Variants in IGBP1 observed in about 807,000 individuals in gnomAD.
The protein encoded by IGBP1 is immunoglobulin-binding protein 1.
In IGBP1, 2 loss-of-function variants were observed where a neutral mutation model predicts 25.9. The ratio of observed to expected loss-of-function variants is 0.08; its 90% confidence interval spans 0.03 to 0.24. The LOEUF (loss-of-function observed/expected upper bound fraction) is 0.24, where lower values mean the gene tolerates loss of function less well. IGBP1 is among the 10% of genes least tolerant of loss of function. The pLI, the probability that IGBP1 is intolerant of heterozygous loss-of-function variation, is 1.00. For synonymous variants in IGBP1, 96 were observed against 93.4 expected (o/e 1.03, Z -0.16); for missense variants, 187 against 260.4 (o/e 0.72, Z 1.94).
intron 6 of IGBP1, among the ~76,000 whole-genome samples, chrX:70,161,794 G>C (rs1299079314): frequency 9.0e-6 from 1 of 111,237 alleles, no homozygotes; most frequent in Non-Finnish European, 1.9e-5. Context: ...AGGGCTCTCT[G>C]TACTAGAAAA....
chrX:70,155,245 C>G (rs980733869), intron 6 of IGBP1, among the ~76,000 whole-genome samples: 23 of 111,762 alleles, frequency 2.1e-4, no homozygotes, highest in African/African-American at 7.1e-4. Flanking sequence ...GCCTGTAATC[C>G]CAACACTTTG....
At chrX:70,159,243 C>T (rs902475899) in intron 6 of IGBP1, among the ~76,000 whole-genome samples, 3 of 109,939 alleles carry the variant, frequency 2.7e-5, no homozygotes, top group African/African-American at 6.6e-5. Context: ...AATTTTAAAA[C>T]GAAAAAAGAT....
chrX:70,134,909 G>A (rs1347050744), intron 3 of IGBP1, 93 bp downstream of exon 3: 2 of 870,485 alleles, frequency 2.3e-6, no homozygotes, highest in Non-Finnish European at 3.4e-6. Context: ...AGAATGGTAT[G>A]TGTCACTTTC....
Position 70,165,437 on chromosome X carries a change from C to T in IGBP1, c.872-396C>T, listed in dbSNP as rs2085292131. The stretch of plus-strand genomic sequence containing the variant: ...CCCACCCCCCTGGCAACTCACAAAT[C>T]ACAAATTCATAAATATTTTTTCTTT... On this transcript the variant is annotated intron_variant, in intron 6 of 6. Transcript: ENST00000356413. Among the ~76,000 whole-genome samples, 2 of 110,509 alleles carry T rather than the reference C, an allele frequency of 1.8e-5. 1 individual carries two copies. Among genetic ancestry groups the T allele is most frequent in the South Asian group, 7.8e-4 (2 of 2,571 alleles).
chrX:70,134,834 A>G lies in IGBP1; in HGVS notation c.482+18A>G. The G allele has an allele frequency of 8.4e-7, 1 of 1,195,105 alleles. No homozygotes were observed. Among genetic ancestry groups the G allele is most frequent in the South Asian group, 1.8e-5 (1 of 56,621 alleles). On this transcript the variant is annotated intron_variant, in intron 3 of 6. Coordinates refer to ENST00000356413, the MANE Select transcript of IGBP1 (RefSeq NM_001551.3). ...ATACAGAGGTGGGTCAATAGCTATA[A>G]TATGAGGCCTGCCCAATGGCGGTGC...
In IGBP1 at chrX:70,133,937, C is replaced by G; in HGVS notation, c.-11C>G. 3 of 1,208,858 alleles carry G rather than the reference C, an allele frequency of 2.5e-6. No individual in the cohort carries two copies. Among genetic ancestry groups the G allele is most frequent in the Non-Finnish European group, 3.4e-6 (3 of 893,180 alleles). On this transcript the variant is annotated 5_prime_UTR_variant, in exon 2 of 7. Coordinates refer to ENST00000356413, the MANE Select transcript of IGBP1 (RefSeq NM_001551.3). ...CGGAAAAGAGATCTTCCGGGTTCCT[C>G]TCTCCCCAAGATGGCTGCTGAGGAC...
At chrX:70,160,722 G>A (rs2085266678) in intron 6 of IGBP1, among the ~76,000 whole-genome samples, 1 of 112,012 alleles carries the variant, frequency 8.9e-6, no homozygotes. Context: ...GATAGAGTAT[G>A]TAATGCCTAT....
At chrX:70,156,060 C>T (rs1379994654) in intron 6 of IGBP1, among the ~76,000 whole-genome samples, 3 of 111,170 alleles carry the variant, frequency 2.7e-5, no homozygotes, top group African/African-American at 9.8e-5. Context: ...AACACATTTA[C>T]CCATTAAGTT....
chrX:70,142,826 A>T (rs1305252211), intron 3 of IGBP1, among the ~76,000 whole-genome samples: 3 of 109,515 alleles, frequency 2.7e-5, no homozygotes, highest in Non-Finnish European at 5.7e-5. Flanking sequence ...CAAAAAAAAC[A>T]CAAAGATATT....
chrX:70,144,654 T>C (rs2085154095), intron 3 of IGBP1, among the ~76,000 whole-genome samples: 4 of 23,018 alleles, frequency 1.7e-4, no homozygotes, highest in Admixed American at 9.2e-4. Context: ...TCTTGACTTT[T>C]TTTTTTTTTT....
chrX:70,146,504 C>A, intron 3 of IGBP1, 129 bp from the exon 4 acceptor site: 1 of 547,720 alleles, frequency 1.8e-6, no homozygotes, highest in Non-Finnish European at 3.2e-6. Context: ...GAATCTATAT[C>A]CCTGCCAAGG....
intron 6 of IGBP1, among the ~76,000 whole-genome samples, chrX:70,160,522 C>A (rs925991446): frequency 8.9e-6 from 1 of 111,825 alleles, no homozygotes; most frequent in Middle Eastern, 4.2e-3. Context: ...AACTGACTTT[C>A]AAGTATAAAG....
At chrX:70,163,598 G>A (rs746537691) in intron 6 of IGBP1, among the ~76,000 whole-genome samples, 1 of 111,399 alleles carries the variant, frequency 9.0e-6, no homozygotes, top group East Asian at 2.8e-4. Flanking sequence ...AATGGGTCTC[G>A]GCATTGAGCA....
At chrX:70,160,807 T>G in intron 6 of IGBP1, among the ~76,000 whole-genome samples, 1 of 112,245 alleles carries the variant, frequency 8.9e-6, no homozygotes, top group South Asian at 3.7e-4. Context: ...CAGTTCTCAG[T>G]AATTATATTG....
At chrX:70,162,516 T>C (rs751642514) in intron 6 of IGBP1, among the ~76,000 whole-genome samples, 29 of 112,030 alleles carry the variant, frequency 2.6e-4, no homozygotes, top group Non-Finnish European at 4.9e-4. Context: ...GTTAATAATA[T>C]ATTAGTATTG....
At chrX:70,134,437 C>A (rs756493602) in intron 2 of IGBP1, 86 bp from the exon 3 acceptor site, 29 of 1,000,900 alleles carry the variant, frequency 2.9e-5, no homozygotes, top group Non-Finnish European at 3.9e-5. Flanking sequence ...CACTCCCAGC[C>A]CAGCCTCCCA....
chrX:70,160,174 G>A (rs753593690), intron 6 of IGBP1, among the ~76,000 whole-genome samples: 3 of 111,394 alleles, frequency 2.7e-5, no homozygotes, highest in Non-Finnish European at 3.8e-5. Flanking sequence ...ACTGCTGCCC[G>A]GCACCAGGCC....
At chrX:70,148,290 C>T (rs663480) in intron 4 of IGBP1, among the ~76,000 whole-genome samples, 3 of 110,595 alleles carry the variant, frequency 2.7e-5, no homozygotes, top group African/African-American at 9.9e-5. Flanking sequence ...TCTCCCTTTC[C>T]TTTGGGAACA....
At chrX:70,159,712 G>C (rs375342376) in intron 6 of IGBP1, among the ~76,000 whole-genome samples, 69 of 111,415 alleles carry the variant, frequency 6.2e-4, no homozygotes, top group African/African-American at 2.2e-3. Context: ...GCATGGCTCT[G>C]GGGAGGGAGG....
Sources: gnomAD v4.1 joint callset for allele counts (sites outside exome capture counted in the v4.1 genomes callset) on GRCh38, gnomAD v4.1.1 for gene constraint, MANE v1.5 for transcripts, NCBI Gene and HGNC (gene_info 2026-07-23, HGNC 2026-07-21) for gene names.